The following ADAMTSL1 variants were observed in gnomAD, a reference collection of about 807,000 sequenced individuals.
The protein encoded by ADAMTSL1 is ADAMTS like 1.
ADAMTSL1 carries 126 observed loss-of-function variants against 201.8 expected under a neutral mutation model. The observed-to-expected ratio is 0.62, with a 90% confidence interval of 0.54 to 0.72. The LOEUF (loss-of-function observed/expected upper bound fraction) is 0.72, where lower values mean the gene tolerates loss of function less well. Ranked by LOEUF, ADAMTSL1 falls within the 30% of genes least tolerant of loss-of-function variation. The pLI is 0.00. For synonymous variants in ADAMTSL1, 1,121 were observed against 903.4 expected (o/e 1.24, Z -4.32); for missense variants, 2,679 against 2,277.8 (o/e 1.18, Z -3.59).
At chr9:18,375,320 G>C (rs900602354) in intron 2 of ADAMTSL1, among the ~76,000 whole-genome samples, 1 of 152,036 alleles carries the variant, frequency 6.6e-6, no homozygotes, top group Non-Finnish European at 1.5e-5. Flanking sequence ...GATTACTGGT[G>C]GGCTAATTGC....
At chr9:18,230,306 G>A (rs1830601386) in intron 2 of ADAMTSL1, among the ~76,000 whole-genome samples, 1 of 152,090 alleles carries the variant, frequency 6.6e-6, no homozygotes, top group African/African-American at 2.4e-5. Flanking sequence ...GATTCAATAT[G>A]ATACCGGCCT....
At chr9:18,603,341 A>ATATGCTATGCTATGCTATGCTATGC (rs5896789) in intron 4 of ADAMTSL1, among the ~76,000 whole-genome samples, 8 of 118,564 alleles carry the variant, frequency 6.7e-5, no homozygotes, top group South Asian at 3.0e-4. Context: ...CTCCAAAGCT[A>ATATGCTATGCTATGCTATGCTATGC]TATGCTATGC....
In ADAMTSL1 at chr9:18,588,884, C is replaced by CATATATATATATATATATGTATATATAT. The variant is rs1823710576; in HGVS notation, c.474+14636_474+14637insGTATATATATATATATATATATATATAT. Among the ~76,000 whole-genome samples the CATATATATATATATATATGTATATATAT allele has an allele frequency of 4.1e-5, 5 of 122,856 alleles. 1 individual carries two copies. The highest frequency in any genetic ancestry group is 7.1e-5 in the Non-Finnish European group (4 of 56,728). 80.6% of individuals were successfully genotyped at this position (122,856 alleles called of 152,430 possible). A position where few individuals can be genotyped will look rare whatever the true frequency, so the allele number is the denominator to read the frequency against. ...GCTTTGTGCCATATATATACATATA[C>CATATATATATATATATATGTATATATAT]ATATATATATATATATATACATATA... On this transcript the variant is annotated intron_variant, in intron 4 of 28. Transcript: ENST00000380548.
At chr9:18,481,055 A>G (rs1821704525) in intron 1 of ADAMTSL1, among the ~76,000 whole-genome samples, 1 of 152,226 alleles carries the variant, frequency 6.6e-6, no homozygotes, top group Non-Finnish European at 1.5e-5. Flanking sequence ...CCAGGGTGCA[A>G]CACTGAAACT....
intron 6 of ADAMTSL1, among the ~76,000 whole-genome samples, chr9:18,638,989 T>A (rs1827273518): frequency 6.6e-6 from 1 of 152,038 alleles, no homozygotes; most frequent in Non-Finnish European, 1.5e-5. Flanking sequence ...CCAAATAACA[T>A]CATCTGGAGA....
intron 4 of ADAMTSL1, among the ~76,000 whole-genome samples, chr9:18,586,219 C>G (rs556036983): frequency 1.9e-4 from 29 of 152,282 alleles, no homozygotes; most frequent in African/African-American, 7.0e-4. Flanking sequence ...GCTCCTTAAA[C>G]CAATAAACAA....
Position 18,412,369 on chromosome 9 carries a change from G to A in ADAMTSL1, c.208-92460G>A, listed in dbSNP as rs188203565. The stretch of plus-strand genomic sequence containing the variant: ...GTCCCCCATTGTCATTTACCTAATG[G>A]TTTTAGCATCCATCTACAATTATTA... On this transcript the variant is annotated intron_variant, in intron 2 of 29. Transcript: ENST00000680146. 2.0e-3 allele frequency among the ~76,000 whole-genome samples: 312 copies of A among 152,218 alleles called. 1 individual carries two copies. Among genetic ancestry groups the A allele is most frequent in the Non-Finnish European group, 3.1e-4 (21 of 68,010 alleles).
chr9:18,822,525 C>G (rs1464557397), intron 21 of ADAMTSL1, among the ~76,000 whole-genome samples: 1 of 152,152 alleles, frequency 6.6e-6, no homozygotes, highest in Non-Finnish European at 1.5e-5. Context: ...TTAAAGGTAT[C>G]TCAGTTTGAA....
intron 18 of ADAMTSL1, 104 bp downstream of exon 18, chr9:18,776,000 G>A: frequency 2.1e-6 from 3 of 1,431,664 alleles, no homozygotes; most frequent in Middle Eastern, 1.9e-4. Context: ...GTGGGAAATA[G>A]TGGGACAGTA....
intron 13 of ADAMTSL1, 105 bp downstream of exon 13, chr9:18,684,905 C>A: frequency 2.1e-6 from 3 of 1,434,544 alleles, no homozygotes; most frequent in South Asian, 3.1e-5. Flanking sequence ...TAAGTGTAAT[C>A]ATCTCACCAA....
chr9:17,999,167 C>T (rs1216273262), intron 1 of ADAMTSL1, among the ~76,000 whole-genome samples: 1 of 151,946 alleles, frequency 6.6e-6, no homozygotes, highest in East Asian at 1.9e-4. Context: ...TGATAATGAA[C>T]ACAAAGATAA....
At chr9:17,972,645 G>A (rs969862678) in intron 1 of ADAMTSL1, among the ~76,000 whole-genome samples, 8 of 151,742 alleles carry the variant, frequency 5.3e-5, no homozygotes, top group African/African-American at 1.9e-4. Context: ...TGTCTTTATA[G>A]GAGCATGATT....
chr9:18,129,541 T>G (rs182105683), intron 1 of ADAMTSL1, among the ~76,000 whole-genome samples: 2 of 152,158 alleles, frequency 1.3e-5, no homozygotes, highest in African/African-American at 4.8e-5. Flanking sequence ...TGGGTTTTTA[T>G]CTGTTAATTC....
chr9:17,983,213 G>A (rs887301576), intron 1 of ADAMTSL1, among the ~76,000 whole-genome samples: 3 of 151,788 alleles, frequency 2.0e-5, no homozygotes, highest in African/African-American at 7.3e-5. Flanking sequence ...TGGGACTACA[G>A]GTGGGCACCA....
intron 2 of ADAMTSL1, among the ~76,000 whole-genome samples, chr9:18,300,660 A>C (rs553469950): frequency 6.6e-6 from 1 of 152,320 alleles, no homozygotes; most frequent in African/African-American, 2.4e-5. Flanking sequence ...GCTCTTCATG[A>C]ATATATGTCC....
rs765675525 is a variant in ADAMTSL1 at position 18,301,186 on chromosome 9, G to A, written c.207+137205G>A. Among the ~76,000 whole-genome samples, 9 of 152,196 alleles carry A rather than the reference G, an allele frequency of 5.9e-5. No individual in the cohort carries two copies. The South Asian group carries it at 1.9e-3, about 32-fold the overall frequency. ...TGCCAGGAAGAAAGAAAAAAAGTAT[G>A]ACACACATTCATTATAAAGTGCATA... On this transcript the variant is annotated intron_variant, in intron 2 of 29. Transcript: ENST00000680146.
At chr9:18,212,385 G>A (rs941502325) in intron 2 of ADAMTSL1, among the ~76,000 whole-genome samples, 2 of 152,076 alleles carry the variant, frequency 1.3e-5, no homozygotes, top group Admixed American at 1.3e-4. Context: ...CACTGAAAAG[G>A]CTTAGGATAG....
intron 2 of ADAMTSL1, among the ~76,000 whole-genome samples, chr9:18,359,248 T>G (rs905632815): frequency 6.6e-6 from 1 of 152,170 alleles, no homozygotes; most frequent in African/African-American, 2.4e-5. Context: ...CTTCCCTCTA[T>G]CGGGGCCCTT....
rs1563983999 is a variant in ADAMTSL1, at chr9:18,074,516, T to TTTCTTTTC, written c.88-89343_88-89336dup. Among the ~76,000 whole-genome samples the TTTCTTTTC allele has an allele frequency of 5.3e-5, 6 of 113,372 alleles. No individual in the cohort carries two copies. The South Asian group carries it at 7.8e-4, about 15-fold the overall frequency. 74.4% of individuals were successfully genotyped at this position (113,372 alleles called of 152,430 possible). ...CTTTTCTTTTCTTTTCTTTTCTTCT[T>TTTCTTTTC]TTCTTTTCTTTTCTTTTCTTCTCTC... On this transcript the variant is annotated intron_variant, in intron 1 of 29. Transcript: ENST00000680146.
Sources: allele counts gnomAD v4.1 joint callset (sites outside exome capture counted in the v4.1 genomes callset), GRCh38; gene constraint gnomAD v4.1.1; transcripts MANE v1.5; gene names NCBI Gene and HGNC (gene_info 2026-07-23, HGNC 2026-07-21).